The following WDR49 variants were observed in gnomAD, a reference collection of about 807,000 sequenced individuals.
WDR49 encodes the protein cilia- and flagella-associated protein 337.
In WDR49, 107 loss-of-function variants were observed where a neutral mutation model predicts 119.5. The ratio of observed to expected loss-of-function variants is 0.90; its 90% confidence interval spans 0.77 to 1.05. WDR49 has a LOEUF of 1.05. WDR49 is among the 50% of genes least tolerant of loss of function. WDR49 has a pLI of 0.00. For synonymous variants in WDR49, 425 were observed against 418.8 expected, an observed-to-expected ratio of 1.01 and a Z score of -0.18; for missense variants, 1,240 against 1,220.5, an observed-to-expected ratio of 1.02 and a Z score of -0.24.
chr3:167,521,402 C>T (rs1752429325), intron 16 of WDR49, among the ~76,000 whole-genome samples: 1 of 152,248 alleles, frequency 6.6e-6, no homozygotes, highest in East Asian at 1.9e-4. Flanking sequence ...AACAGCAATG[C>T]TACCTTTTTC....
Position 167,637,443 on chromosome 3 carries a change from T to A in WDR49, c.166-10151A>T, listed in dbSNP as rs150863533. Among the ~76,000 whole-genome samples, 50 of 152,102 alleles carry A rather than the reference T, an allele frequency of 3.3e-4. No homozygotes were observed. The East Asian group carries it at 9.7e-3, about 29-fold the overall frequency. On this transcript the variant is annotated intron_variant, in intron 2 of 18. Transcript: ENST00000682715. ...AGGTAATGTGATGCCTCCAGATTTG[T>A]TCTTTTTGCTTAGTCTTGCTTTGGC...
At chr3:167,587,249 T>C (rs1167939464) in intron 7 of WDR49, among the ~76,000 whole-genome samples, 1 of 152,184 alleles carries the variant, frequency 6.6e-6, no homozygotes, top group African/African-American at 2.4e-5. Flanking sequence ...CCAAATCAGA[T>C]TGTGTTAAAT....
chr3:167,551,749 G>A (rs560557959), intron 10 of WDR49, among the ~76,000 whole-genome samples: 1 of 151,922 alleles, frequency 6.6e-6, no homozygotes, highest in East Asian at 1.9e-4. Flanking sequence ...ATGTGACTGT[G>A]AGTAATTAAT....
chr3:167,559,796 T>C (rs1713154652), intron 9 of WDR49, among the ~76,000 whole-genome samples: 1 of 152,234 alleles, frequency 6.6e-6, no homozygotes, highest in South Asian at 2.1e-4. Context: ...TTGACTACAC[T>C]GAAAAGGGGG....
chr3:167,487,498 G>C (rs1403958558), intron 18 of WDR49, among the ~76,000 whole-genome samples: 6 of 152,004 alleles, frequency 3.9e-5, no homozygotes, highest in African/African-American at 1.4e-4. Context: ...GCCCCCAAAA[G>C]CAACGGTAAC....
chr3:167,644,855 A>C (rs889185592), intron 2 of WDR49, among the ~76,000 whole-genome samples: 1 of 152,152 alleles, frequency 6.6e-6, no homozygotes, highest in African/African-American at 2.4e-5. Flanking sequence ...AATATTTGCC[A>C]ATCTGATGAT....
intron 5 of WDR49, among the ~76,000 whole-genome samples, chr3:167,614,129 C>A (rs1166398736): frequency 6.6e-6 from 1 of 152,134 alleles, no homozygotes; most frequent in Non-Finnish European, 1.5e-5. Context: ...GAGTCTCGCT[C>A]TCTCGCCCAG....
At chr3:167,555,572 G>C (rs915087318) in intron 9 of WDR49, among the ~76,000 whole-genome samples, 1 of 152,104 alleles carries the variant, frequency 6.6e-6, no homozygotes, top group Non-Finnish European at 1.5e-5. Flanking sequence ...GCAGACTTGT[G>C]GGACTGAGCC....
intron 2 of WDR49, among the ~76,000 whole-genome samples, chr3:167,650,838 C>T (rs1718342571): frequency 1.3e-5 from 2 of 152,116 alleles, no homozygotes; most frequent in Admixed American, 6.5e-5. Flanking sequence ...CCAGATAGTA[C>T]CTCCTCTAAT....
Position 167,479,118 on chromosome 3 carries a change from A to T in WDR49, c.3032-122T>A, listed in dbSNP as rs182070065. ...CTAAAAATCTTTGTTTCTAAAACAC[A>T]GAGTGTATTTGGAAAAATTTTCTCT... On this transcript the variant is annotated intron_variant, in intron 18 of 18. Transcript: ENST00000682715. 5 of 754,568 alleles carry T rather than the reference A, an allele frequency of 6.6e-6. No individual in the cohort carries two copies. In the African/African-American group the frequency reaches 9.0e-5, roughly 14 times the overall value. 46.7% of individuals were successfully genotyped at this position (754,568 alleles called of 1,614,324 possible).
At chr3:167,540,095 A>T (rs1335828974) in intron 10 of WDR49, among the ~76,000 whole-genome samples, 1 of 152,182 alleles carries the variant, frequency 6.6e-6, no homozygotes, top group African/African-American at 2.4e-5. Flanking sequence ...AACTCAGGAC[A>T]TTACAGCAAC....
chr3:167,621,256 AAAAC>A (rs1431956230), intron 4 of WDR49, among the ~76,000 whole-genome samples: 32 of 152,134 alleles, frequency 2.1e-4, no homozygotes, highest in Non-Finnish European at 3.8e-4. Flanking sequence ...ACAGACCAAA[AAAAC>A]AAACAAACCC....
chr3:167,537,042 G>C (rs1753067991), intron 10 of WDR49, 42 bp from the exon 11 acceptor site: 2 of 1,525,442 alleles, frequency 1.3e-6, no homozygotes, highest in South Asian at 1.3e-5. Flanking sequence ...ATCTAAAATT[G>C]ATGTAGACAT....
At chr3:167,557,874 A>T (rs1033279763) in intron 9 of WDR49, among the ~76,000 whole-genome samples, 3 of 152,178 alleles carry the variant, frequency 2.0e-5, no homozygotes, top group African/African-American at 7.2e-5. Context: ...AGCTAACATT[A>T]TTATTATTGT....
intron 5 of WDR49, among the ~76,000 whole-genome samples, chr3:167,619,559 A>G (rs1396794384): frequency 6.6e-6 from 1 of 152,176 alleles, no homozygotes; most frequent in Admixed American, 6.5e-5. Flanking sequence ...AACCTTCTGA[A>G]ACCCAAAGAG....
chr3:167,496,464 T>A (rs1040869648), intron 18 of WDR49, among the ~76,000 whole-genome samples: 14 of 145,022 alleles, frequency 9.7e-5, no homozygotes, highest in Non-Finnish European at 6.1e-5. Flanking sequence ...TCCCCCGCTA[T>A]TTTTTTTTTT....
intron 16 of WDR49, among the ~76,000 whole-genome samples, chr3:167,506,771 A>G (rs1751785456): frequency 1.3e-5 from 2 of 152,196 alleles, no homozygotes; most frequent in East Asian, 1.9e-4. Flanking sequence ...CGTCAACATT[A>G]TATTTTGTTG....
At chr3:167,536,686 C>CAT (rs368084455) in intron 11 of WDR49, among the ~76,000 whole-genome samples, 184 bp downstream of exon 11, 33,065 of 132,190 alleles carry the variant, frequency 0.25, 4,063 homozygotes, top group Non-Finnish European at 0.29. Context: ...TCTCAAAATA[C>CAT]ATATATATAT....
At chr3:167,604,059 T>G (rs2108307613) in intron 6 of WDR49, among the ~76,000 whole-genome samples, 1 of 151,842 alleles carries the variant, frequency 6.6e-6, no homozygotes, top group East Asian at 1.9e-4. Flanking sequence ...TCACCAATTG[T>G]AATTAAAAAA....
Sources: allele counts gnomAD v4.1 joint callset (sites outside exome capture counted in the v4.1 genomes callset), GRCh38; gene constraint gnomAD v4.1.1; transcripts MANE v1.5; gene names NCBI Gene and HGNC (gene_info 2026-07-23, HGNC 2026-07-21).